The following BRCA2 variants were observed in gnomAD, a reference collection of about 807,000 sequenced individuals.
The protein encoded by BRCA2 is BRCA2 DNA repair associated.
Under a neutral mutation model 276.7 loss-of-function variants are expected in BRCA2, and 203 were observed. The observed-to-expected ratio is 0.73, with a 90% CI of 0.65 to 0.82. The LOEUF is 0.82. Among genes scored for constraint, BRCA2 ranks in the 40% least tolerant of loss-of-function variants. BRCA2 has a pLI of 0.00. For missense variants in BRCA2, 3,920 were observed against 3,915.0 expected (o/e 1.00, Z -0.03); for synonymous variants, 1,289 against 1,338.4 (o/e 0.96, Z 0.81).
In BRCA2 at chr13:32,338,206, G is replaced by A. The variant is rs2137500607; in HGVS notation, c.3851G>A (p.Ser1284Asn). Residue 1284 changes from serine (S) to asparagine (N), a missense_variant, in exon 11 of 27, where the codon AGT (serine) becomes AAT (asparagine). By Grantham distance (46) the Ser-to-Asn change is conservative. Around this residue, in one of 2 missense-constraint regions of BRCA2, gnomAD observed 3,263 missense variants for 3,156.9 expected, o/e 1.03. Transcript: ENST00000380152. ...GAAAATCATAATGATAAAACTGTAA[G>A]TGAAAAAAATAATAAATGCCAACTG... ...KIENHNDKTV[S>N]EKNNKCQLIL... 1 of 1,546,426 alleles carries A rather than the reference G, an allele frequency of 6.5e-7. No individual in the cohort carries two copies. Among genetic ancestry groups the A allele is most frequent in the Non-Finnish European group, 8.7e-7 (1 of 1,145,374 alleles).
At position 32,398,881 on chromosome 13, in the gene BRCA2, A is replaced by C. The variant is rs1016302728; in HGVS notation, c.*111A>C. The C allele has an allele frequency of 7.3e-7, 1 of 1,367,318 alleles. No individual in the cohort carries two copies. Among genetic ancestry groups the C allele is most frequent in the African/African-American group, 1.5e-5 (1 of 67,740 alleles). The allele number at this position is 1,367,318 out of a possible 1,614,324, so 84.7% of individuals were successfully genotyped here. On this transcript the variant is annotated 3_prime_UTR_variant, in exon 27 of 27. Coordinates refer to ENST00000380152, the MANE Select transcript of BRCA2 (RefSeq NM_000059.4). Reference sequence around the variant, plus strand: ...ACTTATGTTGCACAATGAGAAAAGAAATTAGTTTCAAATTTACCTCAGCGT... The same window carrying C: ...ACTTATGTTGCACAATGAGAAAAGACATTAGTTTCAAATTTACCTCAGCGT...
Position 32,338,930 on chromosome 13 carries a change from T to C in BRCA2, c.4575T>C (p.His1525=), listed in dbSNP as rs762189076. The change falls in exon 11 of 27, where the codon CAT becomes CAC. Residue 1525 remains histidine, a synonymous_variant. Coordinates refer to ENST00000380152, the MANE Select transcript of BRCA2 (RefSeq NM_000059.4). ...AAGAACCTACTCTATTGGGTTTTCA[T>C]ACAGCTAGCGGGAAAAAAGTTAAAA... ...KIKEPTLLGF[H]TASGKKVKIA... is the part of the protein sequence containing the mutation. 4 of 1,613,948 alleles carry C rather than the reference T, an allele frequency of 2.5e-6. No homozygotes were observed. Among genetic ancestry groups the C allele is most frequent in the Non-Finnish European group, 3.4e-6 (4 of 1,179,916 alleles).
chr13:32,365,290 C>T (rs1045422387), intron 18 of BRCA2, among the ~76,000 whole-genome samples: 3 of 151,902 alleles, frequency 2.0e-5, no homozygotes, highest in African/African-American at 7.3e-5. Flanking sequence ...ACATGAACCA[C>T]TGTACCTGGC....
rs2137497052 is a variant in BRCA2, at chr13:32,337,838, T to G, written c.3483T>G (p.Asp1161Glu). The G allele has an allele frequency of 6.2e-7, 1 of 1,614,074 alleles. No individual in the cohort carries two copies. Among genetic ancestry groups the G allele is most frequent in the Non-Finnish European group, 8.5e-7 (1 of 1,179,956 alleles). ...AGACCACTTCTGAGGAATGCAGAGA[T>G]GCTGATCTTCATGTCATAATGAATG... ...ILKTTSEECR[D>E]ADLHVIMNAP... is the part of the protein sequence containing the mutation. The change falls in exon 11 of 27, where the codon GAT (aspartate) becomes GAG (glutamate). Residue 1161 changes from aspartate to glutamate, a missense_variant. Transcript: ENST00000380152.
chr13:32,398,587 A>C lies in BRCA2; in HGVS notation c.10074A>C (p.Gly3358=). ...AAGCTCTTTTGTCTGGTTCAACAGG[A>C]GAAAAACAATTTATATCTGTCAGTG... ...NTQALLSGST[G]EKQFISVSES... is the part of the protein sequence containing the mutation. Residue 3358 remains glycine (G), a synonymous_variant, in exon 27 of 27, where the codon GGA becomes GGC. Coordinates refer to ENST00000380152, the MANE Select transcript of BRCA2 (RefSeq NM_000059.4). The C allele has an allele frequency of 6.2e-7, 1 of 1,614,198 alleles. No homozygotes were observed. Among genetic ancestry groups the C allele is most frequent in the Non-Finnish European group, 8.5e-7 (1 of 1,180,020 alleles).
At chr13:32,394,099 G>T (rs942889982) in intron 24 of BRCA2, among the ~76,000 whole-genome samples, 1 of 152,058 alleles carries the variant, frequency 6.6e-6, no homozygotes, top group Non-Finnish European at 1.5e-5. Flanking sequence ...CACTGTCCTG[G>T]AGATCAGTTC....
chr13:32,388,409 A>AAG (rs773468126), intron 24 of BRCA2, among the ~76,000 whole-genome samples: 1 of 152,144 alleles, frequency 6.6e-6, no homozygotes, highest in East Asian at 1.9e-4. Flanking sequence ...TTGAGCCACT[A>AAG]TGCCCAGCGT....
chr13:32,369,291 G>C (rs1394746711), intron 18 of BRCA2, among the ~76,000 whole-genome samples: 2 of 151,994 alleles, frequency 1.3e-5, no homozygotes, highest in African/African-American at 4.8e-5. Flanking sequence ...ACAGCCACCT[G>C]GCTACTTGGG....
chr13:32,352,138 G>T (rs1278488552), intron 13 of BRCA2, among the ~76,000 whole-genome samples: 2 of 152,040 alleles, frequency 1.3e-5, no homozygotes, highest in Non-Finnish European at 2.9e-5. Flanking sequence ...TTGTGGAATT[G>T]TTGAAGTCAC....
At chr13:32,352,276 G>A (rs373547641) in intron 13 of BRCA2, among the ~76,000 whole-genome samples, 2 of 151,364 alleles carry the variant, frequency 1.3e-5, no homozygotes, top group East Asian at 1.9e-4. Context: ...AAGGAAATAC[G>A]TATTTACCCG....
At chr13:32,350,660 G>A (rs1454591453) in intron 13 of BRCA2, among the ~76,000 whole-genome samples, 1 of 152,164 alleles carries the variant, frequency 6.6e-6, no homozygotes, top group Non-Finnish European at 1.5e-5. Flanking sequence ...GGCTGAGGCA[G>A]GAGAATGGCA....
At chr13:32,371,219 T>G in intron 20 of BRCA2, 119 bp downstream of exon 20, 1 of 1,050,446 alleles carries the variant, frequency 9.5e-7, no homozygotes, top group Non-Finnish European at 1.4e-6. Context: ...AAATTGACTT[T>G]ATTTTTTAGT....
chr13:32,391,841 A>G (rs2072999183), intron 24 of BRCA2, among the ~76,000 whole-genome samples: 1 of 152,202 alleles, frequency 6.6e-6, no homozygotes, highest in Non-Finnish European at 1.5e-5. Context: ...TAAGGCTTCC[A>G]TTTCTTTTGA....
Position 32,370,100 on chromosome 13 carries a change from A to G in BRCA2, c.8332-302A>G, listed in dbSNP as rs572500484. Among the ~76,000 whole-genome samples, 5 of 152,210 alleles carry G rather than the reference A, an allele frequency of 3.3e-5. No individual in the cohort carries two copies. The East Asian group carries it at 7.7e-4, about 23-fold the overall frequency. ...TTTTTTGAGGAAGCTTGGGTAAATA[A>G]GTGTATTTTAAACTATTATGTTTAA... On this transcript the variant is annotated intron_variant, in intron 18 of 26. Transcript: ENST00000380152.
chr13:32,316,905 T>C lies in BRCA2; in HGVS notation c.67+378T>C, dbSNP rs1318755960. ...GCTTACCATATTAGAAATTTAAAAC[T>C]AAGAATTTAAGGCTGGGCGTGGTGG... is the stretch of plus-strand genomic sequence containing the variant. On this transcript the variant is annotated intron_variant, in intron 2 of 26. Transcript: ENST00000380152. 7.9e-5 allele frequency among the ~76,000 whole-genome samples: 12 copies of C among 152,258 alleles called. No individual in the cohort carries two copies. The South Asian group carries it at 2.3e-3, about 29-fold the overall frequency.
In BRCA2 at chr13:32,332,911, C is replaced by A. The variant is rs431825282; in HGVS notation, c.1433C>A (p.Thr478Lys). ...GAAGAGCAGCATCTTGAATCTCATA[C>A]AGACTGCATTCTTGCAGTAAAGCAG... ...RDEEQHLESH[T>K]DCILAVKQAI... The change falls in exon 10 of 27, where the codon ACA (threonine) becomes AAA (lysine). Residue 478 changes from threonine to lysine, a missense_variant. Around this residue, in one of 2 missense-constraint regions of BRCA2, gnomAD observed 3,263 missense variants for 3,156.9 expected, o/e 1.03. Transcript: ENST00000380152. 6.2e-7 allele frequency: 1 copy of A among 1,610,148 alleles called. No individual in the cohort carries two copies. Among genetic ancestry groups the A allele is most frequent in the Admixed American group, 1.7e-5 (1 of 59,134 alleles).
At chr13:32,370,884 T>G in intron 19 of BRCA2, 72 bp from the exon 20 acceptor site, 2 of 1,584,580 alleles carry the variant, frequency 1.3e-6, no homozygotes, top group South Asian at 2.2e-5. Context: ...TGAGCCACTG[T>G]GCCTGGCCTG....
Position 32,338,342 on chromosome 13 carries a change from A to T in BRCA2, c.3987A>T (p.Arg1329Ser), listed in dbSNP as rs786203361. The change falls in exon 11 of 27, where the codon AGA (arginine) becomes AGT (serine). Residue 1329 changes from arginine (R) to serine (S), a missense_variant. This residue lies in a region of BRCA2 where 3,263 missense variants were observed against 3,156.9 expected (regional missense o/e 1.03). Coordinates refer to ENST00000380152, the MANE Select transcript of BRCA2 (RefSeq NM_000059.4). Reference protein sequence around the residue: ...NEDNKYTAASRNSHNLEFDGS... With the variant: ...NEDNKYTAASSNSHNLEFDGS... ...ATAACAAATATACTGCTGCCAGTAG[A>T]AATTCTCATAACTTAGAATTTGATG... 4 of 1,585,316 alleles carry T rather than the reference A, an allele frequency of 2.5e-6. No individual in the cohort carries two copies. Among genetic ancestry groups the T allele is most frequent in the Non-Finnish European group, 3.4e-6 (4 of 1,168,740 alleles).
chr13:32,336,913 A>G lies in BRCA2; in HGVS notation c.2558A>G (p.Gln853Arg), dbSNP rs56245590. The G allele has an allele frequency of 1.2e-6, 2 of 1,607,362 alleles. No individual in the cohort carries two copies. Among genetic ancestry groups the G allele is most frequent in the Non-Finnish European group, 1.7e-6 (2 of 1,178,472 alleles). Residue 853 changes from glutamine (Q) to arginine (R), a missense_variant, in exon 11 of 27, where the codon CAA (glutamine) becomes CGA (arginine). Physicochemically the swap from Gln to Arg is conservative, Grantham distance 43 (BLOSUM62 1). Transcript: ENST00000380152. ...CCTTCAAGAAAGGTACAATTCAACCAAAACACAAATCTAAGAGTAATCCAA... is the reference window on the plus strand; with the variant it reads ...CCTTCAAGAAAGGTACAATTCAACCGAAACACAAATCTAAGAGTAATCCAA... ...ASPSRKVQFNQNTNLRVIQKN... is the reference protein window; with the variant it reads ...ASPSRKVQFNRNTNLRVIQKN...
Sources: gnomAD v4.1 joint callset for allele counts (sites outside exome capture counted in the v4.1 genomes callset) on GRCh38, gnomAD v4.1.1 for gene constraint, gnomAD v4.1.1 regional missense constraint, MANE v1.5 for transcripts, NCBI Gene and HGNC (gene_info 2026-07-23, HGNC 2026-07-21) for gene names.